HNRNPD: variants seen among roughly 807,000 people sequenced by gnomAD.
HNRNPD encodes the protein heterogeneous nuclear ribonucleoprotein D, also known as heterogeneous nuclear ribonucleoprotein D0.
HNRNPD carries 3 observed loss-of-function variants against 47.9 expected under a neutral mutation model. That is an observed-to-expected ratio of 0.06 (90% CI 0.03 to 0.16). HNRNPD has a LOEUF of 0.16. HNRNPD is among the 10% of genes least tolerant of loss of function. The pLI is 1.00. For missense variants in HNRNPD, 287 were observed against 454.2 expected (o/e 0.63, Z 3.35); for synonymous variants, 171 against 165.1 (o/e 1.04, Z -0.28).
intron 2 of HNRNPD, among the ~76,000 whole-genome samples, chr4:82,371,153 AAGG>A (rs1204169144): frequency 6.6e-6 from 1 of 152,342 alleles, no homozygotes; most frequent in East Asian, 1.9e-4. Context: ...ATTTTATATC[AAGG>A]AGTCTTCATA....
At chr4:82,363,874 G>A (rs1167713305) in intron 2 of HNRNPD, among the ~76,000 whole-genome samples, 1 of 152,214 alleles carries the variant, frequency 6.6e-6, no homozygotes, top group Non-Finnish European at 1.5e-5. Context: ...CAAGTGATAT[G>A]CAGTATCATT....
At chr4:82,368,227 C>T (rs74361008) in intron 2 of HNRNPD, among the ~76,000 whole-genome samples, 1,633 of 152,262 alleles carry the variant, frequency 0.011, 35 homozygotes, top group African/African-American at 0.036. Flanking sequence ...TCACATCCTT[C>T]ACGTTGGCAT....
At position 82,353,988 on chromosome 4, in the gene HNRNPD, G is replaced by C. The variant is rs1269287798; in HGVS notation, c.*197C>G. 4 of 152,600 alleles carry C rather than the reference G, an allele frequency of 2.6e-5. No homozygotes were observed. Among genetic ancestry groups the C allele is most frequent in the African/African-American group, 9.6e-5 (4 of 41,452 alleles). 9.5% of individuals were successfully genotyped at this position (152,600 alleles called of 1,614,324 possible). On this transcript the variant is annotated 3_prime_UTR_variant, in exon 9 of 9. Transcript: ENST00000313899. The stretch of plus-strand genomic sequence containing the variant: ...CATAGCAATTAAGAAATAAAACAAT[G>C]AAAGCAAATTTCTTTTAATGAGAAC...
In HNRNPD at chr4:82,373,820, C is replaced by T; in HGVS notation, c.-142G>A. Reference sequence around the variant, plus strand: ...CAAGACAGGGAAGGCGCGCGCGTGGCTGCAAAGGCTCCTGCGCCTCTCCCT... The same window carrying T: ...CAAGACAGGGAAGGCGCGCGCGTGGTTGCAAAGGCTCCTGCGCCTCTCCCT... On this transcript the variant is annotated 5_prime_UTR_variant, in exon 1 of 9. Coordinates refer to ENST00000313899, the MANE Select transcript of HNRNPD (RefSeq NM_031370.3). The T allele has an allele frequency of 6.7e-7, 1 of 1,486,270 alleles. No individual in the cohort carries two copies. 92.1% of individuals were successfully genotyped at this position (1,486,270 alleles called of 1,614,324 possible). A position where few individuals can be genotyped will look rare whatever the true frequency, so the allele number is the denominator to read the frequency against.
rs1578045287 is a variant in HNRNPD, at chr4:82,355,576, A to C, written c.1001-175T>G. Reference sequence around the variant, plus strand: ...TTTACCAAATATGTAGTGAATGCATACAATGGCAGGCATTCAGAATGAGCT... The same window carrying C: ...TTTACCAAATATGTAGTGAATGCATCCAATGGCAGGCATTCAGAATGAGCT... On this transcript the variant is annotated intron_variant, in intron 7 of 8. Transcript: ENST00000313899. 1.7e-5 allele frequency: 10 copies of C among 591,324 alleles called. No homozygotes were observed. The East Asian group carries it at 2.0e-4, about 12-fold the overall frequency. The allele number at this position is 591,324 out of a possible 1,614,324, so 36.6% of individuals were successfully genotyped here. A position where few individuals can be genotyped will look rare whatever the true frequency, so the allele number is the denominator to read the frequency against.
intron 2 of HNRNPD, among the ~76,000 whole-genome samples, chr4:82,369,164 T>G (rs11728307): frequency 6.6e-6 from 1 of 152,204 alleles, no homozygotes; most frequent in African/African-American, 2.4e-5. Flanking sequence ...GCATGTATAT[T>G]TTGCCAGACA....
At chr4:82,373,092 G>A (rs969677880) in intron 1 of HNRNPD, 7 of 511,236 alleles carry the variant, frequency 1.4e-5, no homozygotes, top group South Asian at 1.5e-5. Flanking sequence ...GGAAAAAGAG[G>A]GGACAGCATG....
rs1484505451 is a variant in HNRNPD at position 82,373,705 on chromosome 4, C to A, written c.-27G>T. ...GTGCTAGTGTCTCCGCCGCTGCCGC[C>A]GAGACTACACCCGCCGCTGCCGCGA... On this transcript the variant is annotated 5_prime_UTR_variant, in exon 1 of 9. Transcript: ENST00000313899. 17 of 1,500,412 alleles carry A rather than the reference C, an allele frequency of 1.1e-5. No individual in the cohort carries two copies. The highest frequency in any genetic ancestry group is 2.3e-4 in the Middle Eastern group (1 of 4,260). The allele number at this position is 1,500,412 out of a possible 1,614,324, so 92.9% of individuals were successfully genotyped here. A position where few individuals can be genotyped will look rare whatever the true frequency, so the allele number is the denominator to read the frequency against.
chr4:82,360,129 T>C (rs766620780), intron 2 of HNRNPD, among the ~76,000 whole-genome samples: 1 of 152,146 alleles, frequency 6.6e-6, no homozygotes, highest in Non-Finnish European at 1.5e-5. Flanking sequence ...AAATTCTACA[T>C]CTCACAATTA....
At chr4:82,365,422 G>T (rs746295542) in intron 2 of HNRNPD, among the ~76,000 whole-genome samples, 2 of 151,778 alleles carry the variant, frequency 1.3e-5, no homozygotes, top group Non-Finnish European at 2.9e-5. Context: ...ATCCTAAAAT[G>T]ACAAACTAAA....
chr4:82,353,271 A>G lies in HNRNPD; in HGVS notation c.*914T>C, dbSNP rs1055398814. The G allele has an allele frequency of 1.3e-5, 2 of 152,206 alleles. No homozygotes were observed. Among genetic ancestry groups the G allele is most frequent in the African/African-American group, 4.8e-5 (2 of 41,440 alleles). The allele number at this position is 152,206 out of a possible 1,614,324, so 9.4% of individuals were successfully genotyped here. On this transcript the variant is annotated 3_prime_UTR_variant, in exon 9 of 9. Transcript: ENST00000313899. Reference sequence around the variant, plus strand: ...AAATTTTAAGGCCCTAACCAAAAAAATAAAACCTTTGAGAAATGGAAAATA... The same window carrying G: ...AAATTTTAAGGCCCTAACCAAAAAAGTAAAACCTTTGAGAAATGGAAAATA...
rs566658660 is a variant in HNRNPD at position 82,365,590 on chromosome 4, G to C, written c.290+5938C>G. ...AATACTAACCAGCCTTTTTAGATCT[G>C]ATCTGGTATAAAATTCATGAAAACC... On this transcript the variant is annotated intron_variant, in intron 2 of 8. Coordinates refer to ENST00000313899, the MANE Select transcript of HNRNPD (RefSeq NM_031370.3). Among the ~76,000 whole-genome samples, 43 of 151,966 alleles carry C rather than the reference G, an allele frequency of 2.8e-4. 1 individual carries two copies. The East Asian group carries it at 7.9e-3, about 28-fold the overall frequency.
At position 82,353,830 on chromosome 4, in the gene HNRNPD, T is replaced by G. The variant is rs1444885262; in HGVS notation, c.*355A>C. 6.6e-6 allele frequency: 1 copy of G among 152,642 alleles called. No homozygotes were observed. The highest frequency in any genetic ancestry group is 1.5e-5 in the Non-Finnish European group (1 of 68,028). 9.5% of individuals were successfully genotyped at this position (152,642 alleles called of 1,614,324 possible). On this transcript the variant is annotated 3_prime_UTR_variant, in exon 9 of 9. Coordinates refer to ENST00000313899, the MANE Select transcript of HNRNPD (RefSeq NM_031370.3). Reference sequence around the variant, plus strand: ...TCTGATGATAAAAGAGCCAATACATTTTTATACAAAAGGATTTATTAAAAA... The same window carrying G: ...TCTGATGATAAAAGAGCCAATACATGTTTATACAAAAGGATTTATTAAAAA...
At chr4:82,363,189 G>GGCTT (rs1174198433) in intron 2 of HNRNPD, among the ~76,000 whole-genome samples, 1 of 151,820 alleles carries the variant, frequency 6.6e-6, no homozygotes, top group Non-Finnish European at 1.5e-5. Flanking sequence ...CAATTCTCCT[G>GGCTT]CCTCAGCCTC....
intron 2 of HNRNPD, among the ~76,000 whole-genome samples, chr4:82,360,593 C>T (rs920205959): frequency 2.6e-5 from 4 of 152,064 alleles, no homozygotes; most frequent in Non-Finnish European, 5.9e-5. Flanking sequence ...TACATAATGG[C>T]TAAAAATGTC....
intron 3 of HNRNPD, 21 bp from the exon 4 acceptor site, chr4:82,358,841 A>C: frequency 6.5e-7 from 1 of 1,537,834 alleles, no homozygotes; most frequent in Non-Finnish European, 8.8e-7. Context: ...TGAAGTTTTC[A>C]TTTAAAAAAT....
intron 5 of HNRNPD, 94 bp from the exon 6 acceptor site, chr4:82,356,989 A>G: frequency 1.9e-6 from 2 of 1,059,952 alleles, no homozygotes; most frequent in South Asian, 1.3e-5. Flanking sequence ...ATGTTTAAAT[A>G]GAGTAGGCTA....
At chr4:82,371,228 A>T (rs1720031385) in intron 2 of HNRNPD, among the ~76,000 whole-genome samples, 3 of 152,202 alleles carry the variant, frequency 2.0e-5, no homozygotes, top group Non-Finnish European at 4.4e-5. Flanking sequence ...ATCAAATGTG[A>T]AGATTACGGT....
chr4:82,373,049 T>G, intron 1 of HNRNPD: 1 of 449,418 alleles, frequency 2.2e-6, no homozygotes, highest in Non-Finnish European at 4.4e-6. Flanking sequence ...GCTGTTTGTG[T>G]CTGTGTTTTT....
Sources: gnomAD v4.1 joint callset for allele counts (sites outside exome capture counted in the v4.1 genomes callset) on GRCh38, gnomAD v4.1.1 for gene constraint, MANE v1.5 for transcripts, NCBI Gene and HGNC (gene_info 2026-07-23, HGNC 2026-07-21) for gene names.